DTNA: variants seen among roughly 807,000 people sequenced by gnomAD.
The protein encoded by DTNA is dystrobrevin alpha.
Under a neutral mutation model 100.7 loss-of-function variants are expected in DTNA, and 43 were observed. The ratio of observed to expected loss-of-function variants is 0.43; its 90% confidence interval spans 0.33 to 0.55. The LOEUF is 0.55. Among genes scored for constraint, DTNA ranks in the 20% least tolerant of loss-of-function variants. The probability of loss-of-function intolerance (pLI) is 0.04; values close to 1 mark genes in which losing one functional copy is unlikely to be tolerated. For synonymous variants in DTNA, 349 were observed against 347.9 expected, an observed-to-expected ratio of 1.00 and a Z score of -0.04; for missense variants, 798 against 953.9, an observed-to-expected ratio of 0.84 and a Z score of 2.15.
At chr18:34,792,408 G>GA (rs2094788744) in intron 3 of DTNA, among the ~76,000 whole-genome samples, 1 of 152,136 alleles carries the variant, frequency 6.6e-6, no homozygotes, top group Non-Finnish European at 1.5e-5. Context: ...GATCTGTTCT[G>GA]AAAAGCAAAA....
chr18:34,665,445 T>C (rs1037029576), intron 1 of DTNA, among the ~76,000 whole-genome samples: 1 of 152,160 alleles, frequency 6.6e-6, no homozygotes, highest in Non-Finnish European at 1.5e-5. Context: ...TATTACACTT[T>C]AAGTTCTAGG....
intron 1 of DTNA, among the ~76,000 whole-genome samples, chr18:34,715,850 A>G (rs561544102): frequency 2.0e-5 from 3 of 152,352 alleles, no homozygotes; most frequent in African/African-American, 7.2e-5. Flanking sequence ...GAGGTCTCAT[A>G]AATCTGTAAG....
At chr18:34,690,662 A>G (rs1234689070) in intron 1 of DTNA, among the ~76,000 whole-genome samples, 1 of 152,216 alleles carries the variant, frequency 6.6e-6, no homozygotes, top group Non-Finnish European at 1.5e-5. Context: ...TGTAATCTCA[A>G]GTACTTCTGT....
intron 1 of DTNA, among the ~76,000 whole-genome samples, chr18:34,645,549 A>G (rs2059736322): frequency 6.6e-6 from 1 of 152,138 alleles, no homozygotes; most frequent in African/African-American, 2.4e-5. Context: ...ACAGATATGT[A>G]TAAATCCATA....
intron 1 of DTNA, among the ~76,000 whole-genome samples, chr18:34,753,704 T>A (rs903346310): frequency 6.6e-6 from 1 of 152,176 alleles, no homozygotes; most frequent in Non-Finnish European, 1.5e-5. Context: ...TTAATCATTC[T>A]TTTCATCTCA....
At chr18:34,624,746 C>A (rs945210290) in intron 1 of DTNA, among the ~76,000 whole-genome samples, 2 of 152,184 alleles carry the variant, frequency 1.3e-5, no homozygotes, top group African/African-American at 4.8e-5. Flanking sequence ...TCATCCAGAG[C>A]TCACAATACA....
At chr18:34,689,068 T>G (rs1319439557) in intron 1 of DTNA, among the ~76,000 whole-genome samples, 1 of 152,172 alleles carries the variant, frequency 6.6e-6, no homozygotes, top group African/African-American at 2.4e-5. Context: ...GGTTCTTAGC[T>G]TCCTTGCATT....
At chr18:34,661,930 T>TG (rs1394193605) in intron 1 of DTNA, among the ~76,000 whole-genome samples, 1 of 152,192 alleles carries the variant, frequency 6.6e-6, no homozygotes, top group Non-Finnish European at 1.5e-5. Flanking sequence ...ATTTCCACCC[T>TG]GAGCTTGAAA....
chr18:34,828,952 A>T, intron 10 of DTNA: 1 of 1,434,614 alleles, frequency 7.0e-7, no homozygotes, highest in Non-Finnish European at 9.8e-7. Context: ...GTTTAGAAAT[A>T]TGTACTTTTA....
chr18:34,858,866 C>T (rs2096583528), intron 16 of DTNA, among the ~76,000 whole-genome samples: 1 of 152,232 alleles, frequency 6.6e-6, no homozygotes, highest in African/African-American at 2.4e-5. Context: ...CCGCCTTGGC[C>T]TCCCAAAGTG....
At chr18:34,674,132 C>T (rs554444765) in intron 1 of DTNA, among the ~76,000 whole-genome samples, 1 of 152,294 alleles carries the variant, frequency 6.6e-6, no homozygotes, top group South Asian at 2.1e-4. Context: ...ATGAGGTTGC[C>T]GCCCAGCTTA....
In DTNA at chr18:34,888,541, A is replaced by T. The variant is rs2096942281; in HGVS notation, c.*807A>T. On this transcript the variant is annotated 3_prime_UTR_variant, in exon 23 of 23. Coordinates refer to ENST00000444659, the MANE Select transcript of DTNA (RefSeq NM_001386795.1). ...TTTAGTGTAAATATTTTTTTTTCCA[A>T]ATAGATATCATATTCAAAAAAGGCA... 1 of 985,552 alleles carries T rather than the reference A, an allele frequency of 1.0e-6. No homozygotes were observed. The highest frequency in any genetic ancestry group is 1.7e-5 in the African/African-American group (1 of 57,352). The allele number at this position is 985,552 out of a possible 1,614,324, so 61.1% of individuals were successfully genotyped here.
chr18:34,838,987 G>A (rs945305347), intron 13 of DTNA, 150 bp downstream of exon 13: 3 of 722,072 alleles, frequency 4.2e-6, no homozygotes, highest in African/African-American at 3.5e-5. Flanking sequence ...CTCTCGTGAT[G>A]TTAGTTTGGA....
At chr18:34,563,650 C>T in intron 1 of DTNA, among the ~76,000 whole-genome samples, 1 of 152,180 alleles carries the variant, frequency 6.6e-6, no homozygotes, top group East Asian at 1.9e-4. Flanking sequence ...CCACCCCACA[C>T]ATTTGTTTGT....
chr18:34,506,037 C>T (rs909932548), intron 1 of DTNA, among the ~76,000 whole-genome samples: 3 of 152,216 alleles, frequency 2.0e-5, no homozygotes, highest in Non-Finnish European at 4.4e-5. Flanking sequence ...GTTCCTCACT[C>T]AGTCTCCCTT....
chr18:34,499,785 T>C (rs1006403884), intron 1 of DTNA, among the ~76,000 whole-genome samples: 4 of 152,172 alleles, frequency 2.6e-5, no homozygotes, highest in African/African-American at 9.7e-5. Context: ...CTTAGTGAAA[T>C]GTCTCTTCAT....
At chr18:34,559,121 C>G (rs908743084) in intron 1 of DTNA, among the ~76,000 whole-genome samples, 2 of 152,116 alleles carry the variant, frequency 1.3e-5, no homozygotes, top group East Asian at 1.9e-4. Context: ...ACATGATACC[C>G]ATAATGCCTG....
intron 1 of DTNA, among the ~76,000 whole-genome samples, chr18:34,583,111 A>T (rs1016671647): frequency 3.9e-5 from 6 of 152,236 alleles, no homozygotes; most frequent in African/African-American, 1.4e-4. Context: ...TTATAATTAT[A>T]TATGTTCAGA....
At chr18:34,727,953 G>C (rs1464423647) in intron 1 of DTNA, among the ~76,000 whole-genome samples, 5 of 151,496 alleles carry the variant, frequency 3.3e-5, no homozygotes, top group African/African-American at 1.2e-4. Context: ...TTAAGAGGGA[G>C]GGGGGGAAAA....
Sources: allele counts gnomAD v4.1 joint callset (sites outside exome capture counted in the v4.1 genomes callset), GRCh38; gene constraint gnomAD v4.1.1; transcripts MANE v1.5; gene names NCBI Gene and HGNC (gene_info 2026-07-23, HGNC 2026-07-21).